KCNH7: variants seen among roughly 807,000 people sequenced by gnomAD.
KCNH7 encodes the protein voltage-gated inwardly rectifying potassium channel KCNH7.
In KCNH7, 49 loss-of-function variants were observed where a neutral mutation model predicts 120.8. The observed-to-expected ratio is 0.41, with a 90% CI of 0.32 to 0.51. The LOEUF is 0.51. Ranked by LOEUF, KCNH7 falls within the 20% of genes least tolerant of loss-of-function variation. The pLI is 0.38. For synonymous variants in KCNH7, 547 were observed against 516.1 expected (o/e 1.06, Z -0.81); for missense variants, 1,097 against 1,446.6 (o/e 0.76, Z 3.92).
chr2:162,740,466 G>A (rs748745450), intron 2 of KCNH7, among the ~76,000 whole-genome samples: 5 of 152,174 alleles, frequency 3.3e-5, no homozygotes, highest in Non-Finnish European at 1.5e-5. Flanking sequence ...GGGAGTGGGT[G>A]GGTAGGCTGA....
At chr2:162,509,813 G>A (rs1691005595) in intron 5 of KCNH7, among the ~76,000 whole-genome samples, 2 of 151,518 alleles carry the variant, frequency 1.3e-5, no homozygotes. Context: ...AACAAACCTT[G>A]AAAGTAGTTT....
chr2:162,744,211 T>TA (rs952583270), intron 2 of KCNH7, among the ~76,000 whole-genome samples: 2 of 152,180 alleles, frequency 1.3e-5, no homozygotes, highest in African/African-American at 4.8e-5. Context: ...ACAGAGGATT[T>TA]AAAAGACCAT....
intron 2 of KCNH7, among the ~76,000 whole-genome samples, chr2:162,671,285 C>T (rs1685343913): frequency 6.6e-6 from 1 of 151,890 alleles, no homozygotes; most frequent in Non-Finnish European, 1.5e-5. Context: ...ATTCACAATA[C>T]CAAAATCATG....
rs377572355 is a variant in KCNH7, at chr2:162,792,167, G to A, written c.307+44370C>T. 1.1e-3 allele frequency among the ~76,000 whole-genome samples: 167 copies of A among 152,194 alleles called. 3 individuals carry two copies. Among genetic ancestry groups the A allele is most frequent in the African/African-American group, 3.9e-3 (161 of 41,530 alleles). ...TCATGGTGGATAAGCTTTTTGATGT[G>A]CTGCTGGATTTGGTTTGCCAGTATT... On this transcript the variant is annotated intron_variant, in intron 2 of 15. Coordinates refer to ENST00000332142, the MANE Select transcript of KCNH7 (RefSeq NM_033272.4).
intron 2 of KCNH7, among the ~76,000 whole-genome samples, chr2:162,693,328 T>G (rs151146160): frequency 6.6e-6 from 1 of 152,262 alleles, no homozygotes; most frequent in Non-Finnish European, 1.5e-5. Context: ...GCCTGGAAGA[T>G]AAGAGGTTAT....
intron 2 of KCNH7, among the ~76,000 whole-genome samples, chr2:162,752,937 A>AGAAAAGAAAAGAAAAGAAAG: frequency 3.2e-5 from 3 of 94,654 alleles, no homozygotes; most frequent in Non-Finnish European, 5.6e-5. Context: ...AGAAAAGAAA[A>AGAAAAGAAAAGAAAAGAAAG]GAAAAGAAAA....
chr2:162,807,721 C>T (rs1056272083), intron 2 of KCNH7, among the ~76,000 whole-genome samples: 32 of 152,016 alleles, frequency 2.1e-4, no homozygotes, highest in African/African-American at 7.2e-4. Context: ...CTTGCTCTGT[C>T]GCCCAGACTG....
Position 162,430,799 on chromosome 2 carries a change from T to C in KCNH7, c.1954+4399A>G, listed in dbSNP as rs563236890. Among the ~76,000 whole-genome samples the C allele has an allele frequency of 5.3e-5, 8 of 152,102 alleles. No homozygotes were observed. In the East Asian group the frequency reaches 1.5e-3, roughly 29 times the overall value. ...GAAATTCTCCCAATCAAGATGCTTG[T>C]CAAGCAGGTCAGAAATGGAATACAT... is the stretch of plus-strand genomic sequence containing the variant. On this transcript the variant is annotated intron_variant, in intron 8 of 15. Coordinates refer to ENST00000332142, the MANE Select transcript of KCNH7 (RefSeq NM_033272.4).
intron 7 of KCNH7, 63 bp from the exon 8 acceptor site, chr2:162,435,660 A>G (rs903424581): frequency 3.4e-6 from 5 of 1,487,786 alleles, no homozygotes; most frequent in African/African-American, 2.8e-5. Context: ...CATTCATATG[A>G]AGCAAAGTGG....
intron 8 of KCNH7, among the ~76,000 whole-genome samples, chr2:162,432,734 C>A (rs1331836356): frequency 6.6e-6 from 1 of 151,962 alleles, no homozygotes; most frequent in East Asian, 1.9e-4. Flanking sequence ...TGGAAGCATT[C>A]CCATTAAGCA....
intron 2 of KCNH7, among the ~76,000 whole-genome samples, chr2:162,606,867 A>G (rs1682790291): frequency 6.6e-6 from 1 of 152,188 alleles, no homozygotes; most frequent in East Asian, 1.9e-4. Flanking sequence ...ATAGCCATCA[A>G]AATGCTATCT....
chr2:162,441,452 A>T (rs1254891966), intron 7 of KCNH7, among the ~76,000 whole-genome samples: 1 of 152,108 alleles, frequency 6.6e-6, no homozygotes, highest in African/African-American at 2.4e-5. Flanking sequence ...CACAGTAGTT[A>T]CTTAGGTTTC....
At chr2:162,825,441 T>A (rs552958197) in intron 2 of KCNH7, among the ~76,000 whole-genome samples, 1 of 152,106 alleles carries the variant, frequency 6.6e-6, no homozygotes, top group Admixed American at 6.6e-5. Flanking sequence ...TCAACAAAAA[T>A]TAAAAAGAAT....
chr2:162,726,528 T>C (rs2105383235), intron 2 of KCNH7, among the ~76,000 whole-genome samples: 2 of 152,300 alleles, frequency 1.3e-5, no homozygotes, highest in East Asian at 1.9e-4. Context: ...CAAGTGATTC[T>C]CCTCCCTCAG....
intron 2 of KCNH7, among the ~76,000 whole-genome samples, chr2:162,714,517 G>A (rs1687041084): frequency 6.6e-6 from 1 of 152,184 alleles, no homozygotes; most frequent in Admixed American, 6.6e-5. Flanking sequence ...AAGGATCTTA[G>A]AGAAGTGACT....
At chr2:162,518,871 G>A (rs1173092703) in intron 3 of KCNH7, among the ~76,000 whole-genome samples, 1 of 148,586 alleles carries the variant, frequency 6.7e-6, no homozygotes, top group Admixed American at 6.7e-5. Context: ...GTATATCTCA[G>A]AGTGGCTGAT....
intron 3 of KCNH7, among the ~76,000 whole-genome samples, chr2:162,528,663 CTT>C: frequency 6.6e-6 from 1 of 151,896 alleles, no homozygotes; most frequent in Non-Finnish European, 1.5e-5. Flanking sequence ...GCTTTGGAGT[CTT>C]ATATTTTAGG....
At chr2:162,691,392 A>C (rs1171611650) in intron 2 of KCNH7, among the ~76,000 whole-genome samples, 1 of 152,112 alleles carries the variant, frequency 6.6e-6, no homozygotes, top group Non-Finnish European at 1.5e-5. Flanking sequence ...GTTTGAGTGA[A>C]TTTTTACCTA....
intron 7 of KCNH7, among the ~76,000 whole-genome samples, chr2:162,436,164 T>C (rs1483971243): frequency 6.6e-6 from 1 of 152,014 alleles, no homozygotes; most frequent in East Asian, 1.9e-4. Context: ...AGGCATGGAT[T>C]GGGGTAGAAA....
Sources: gnomAD v4.1 joint callset for allele counts (sites outside exome capture counted in the v4.1 genomes callset) on GRCh38, gnomAD v4.1.1 for gene constraint, MANE v1.5 for transcripts, NCBI Gene and HGNC (gene_info 2026-07-23, HGNC 2026-07-21) for gene names.